HCN4: variants seen among roughly 807,000 people sequenced by gnomAD.
The protein encoded by HCN4 is potassium/sodium hyperpolarization-activated cyclic nucleotide-gated channel 4.
In HCN4, 29 loss-of-function variants were observed where a neutral mutation model predicts 76.9. That is an observed-to-expected ratio of 0.38 (90% CI 0.28 to 0.51). The LOEUF is 0.51. Ranked by LOEUF, HCN4 falls within the 20% of genes least tolerant of loss-of-function variation. HCN4 has a pLI of 0.90. For missense variants in HCN4, 1,416 were observed against 1,715.2 expected, an observed-to-expected ratio of 0.83 and a Z score of 3.08; for synonymous variants, 772 against 762.5, an observed-to-expected ratio of 1.01 and a Z score of -0.21.
rs373986638 is a variant in HCN4 at position 73,332,503 on chromosome 15, G to A, written c.1210-211C>T. Among the ~76,000 whole-genome samples, 69 of 152,290 alleles carry A rather than the reference G, an allele frequency of 4.5e-4. 1 individual carries two copies. The East Asian group carries it at 8.9e-3, about 20-fold the overall frequency. ...ACTGTAGGCTGCAGGGTCCCAGAGG[G>A]ACATCTCCTGGCATCTATACAGATG... On this transcript the variant is annotated intron_variant, in intron 2 of 7. Coordinates refer to ENST00000261917, the MANE Select transcript of HCN4 (RefSeq NM_005477.3).
intron 2 of HCN4, among the ~76,000 whole-genome samples, chr15:73,334,205 C>G (rs1220788701): frequency 2.6e-5 from 4 of 152,186 alleles, no homozygotes; most frequent in Non-Finnish European, 4.4e-5. Context: ...AGCGTTTGAG[C>G]TCCTGGCTAA....
At chr15:73,344,053 A>G (rs906229370) in intron 1 of HCN4, among the ~76,000 whole-genome samples, 1 of 152,176 alleles carries the variant, frequency 6.6e-6, no homozygotes, top group Non-Finnish European at 1.5e-5. Flanking sequence ...CCGAGCCCCA[A>G]CAACAAGCTT....
intron 1 of HCN4, among the ~76,000 whole-genome samples, chr15:73,355,133 T>C (rs2043072213): frequency 6.6e-6 from 1 of 152,208 alleles, no homozygotes; most frequent in Admixed American, 6.5e-5. Flanking sequence ...GGCGCCCAAG[T>C]AGGTCCGCTG....
In HCN4 at chr15:73,368,425, C is replaced by T. The variant is rs969600832; in HGVS notation, c.-155G>A. The T allele has an allele frequency of 2.2e-6, 1 of 449,454 alleles. No homozygotes were observed. Among genetic ancestry groups the T allele is most frequent in the Non-Finnish European group, 3.7e-6 (1 of 270,772 alleles). The allele number at this position is 449,454 out of a possible 1,614,324, so 27.8% of individuals were successfully genotyped here. A position where few individuals can be genotyped will look rare whatever the true frequency, so the allele number is the denominator to read the frequency against. ...GGCGCCCATGCTTGGGCAGGCTGCGCGCCGCGGGGAGGATCCTAGTCCCGC... is the reference window on the plus strand; with the variant it reads ...GGCGCCCATGCTTGGGCAGGCTGCGTGCCGCGGGGAGGATCCTAGTCCCGC... On this transcript the variant is annotated 5_prime_UTR_variant, in exon 1 of 8. Transcript: ENST00000261917. This position sits in a 1 kb window ranked among gnomAD's most constrained non-coding sequence, Gnocchi z 6.9.
chr15:73,335,503 G>A (rs1264126824), intron 2 of HCN4: 2 of 152,318 alleles, frequency 1.3e-5, no homozygotes, highest in Admixed American at 1.3e-4. Flanking sequence ...ATGCCCTGGA[G>A]GGCCAGACTT....
At chr15:73,355,004 ACT>A (rs1186638642) in intron 1 of HCN4, among the ~76,000 whole-genome samples, 1 of 152,194 alleles carries the variant, frequency 6.6e-6, no homozygotes, top group African/African-American at 2.4e-5. Flanking sequence ...AGAATCTCTG[ACT>A]CTGTATCCCT....
chr15:73,323,838 A>C lies in HCN4; in HGVS notation c.2255T>G (p.Met752Arg), dbSNP rs768773295. The C allele has an allele frequency of 6.2e-7, 1 of 1,605,622 alleles. No homozygotes were observed. Among genetic ancestry groups the C allele is most frequent in the Non-Finnish European group, 8.5e-7 (1 of 1,179,922 alleles). Residue 752 changes from methionine (M) to arginine (R), a missense_variant, in exon 8 of 8, where the codon ATG becomes AGG. By Grantham distance (91) the Met-to-Arg change is moderately conservative. Transcript: ENST00000261917. Reference sequence around the variant, plus strand: ...CTGGACGCGGTGCGCGCAGTGGGCCATCTCCCGGTCATGCTGCACAATCTG... The same window carrying C: ...CTGGACGCGGTGCGCGCAGTGGGCCCTCTCCCGGTCATGCTGCACAATCTG... Reference protein sequence around the residue: ...IQQIVQHDREMAHCAHRVQAA... With the variant: ...IQQIVQHDRERAHCAHRVQAA...
chr15:73,326,062 T>C (rs1413310971), intron 4 of HCN4, among the ~76,000 whole-genome samples: 1 of 151,848 alleles, frequency 6.6e-6, no homozygotes, highest in African/African-American at 2.4e-5. Context: ...TACAAAAGAT[T>C]TGTGAGCCTC....
At chr15:73,345,001 C>A (rs2043023664) in intron 1 of HCN4, among the ~76,000 whole-genome samples, 1 of 152,202 alleles carries the variant, frequency 6.6e-6, no homozygotes, top group African/African-American at 2.4e-5. Context: ...CAGAAATAAG[C>A]ATGTCTTCTC....
Position 73,322,906 on chromosome 15 carries a change from G to A in HCN4, c.3187C>T (p.Pro1063Ser). The change falls in exon 8 of 8, where the codon CCC (proline) becomes TCC (serine). Residue 1063 changes from proline to serine, a missense_variant. By Grantham distance (74) the Pro-to-Ser change is moderately conservative. This residue lies in a region of HCN4 where 633 missense variants were observed against 579.8 expected (regional missense o/e 1.09). Coordinates refer to ENST00000261917, the MANE Select transcript of HCN4 (RefSeq NM_005477.3). ...GTGCCCCGGCGCTGGGGGACCTGGG[G>A]TGGTGGGGGGCTGGATGCAGGTGGC... Reference protein sequence around the residue: ...LLPPASSPPPPQVPQRRGTPP... With the variant: ...LLPPASSPPPSQVPQRRGTPP... 7.1e-7 allele frequency: 1 copy of A among 1,409,870 alleles called. No individual in the cohort carries two copies. Among genetic ancestry groups the A allele is most frequent in the Non-Finnish European group, 9.4e-7 (1 of 1,066,828 alleles). The allele number at this position is 1,409,870 out of a possible 1,614,324, so 87.3% of individuals were successfully genotyped here. A position where few individuals can be genotyped will look rare whatever the true frequency, so the allele number is the denominator to read the frequency against.
At position 73,367,933 on chromosome 15, in the gene HCN4, GTGCCGCCGC is replaced by G. The variant is rs1441261132; in HGVS notation, c.329_337del (p.Ser110_Gly112del). The G allele has an allele frequency of 2.2e-6, 3 of 1,365,450 alleles. No individual in the cohort carries two copies. Among genetic ancestry groups the G allele is most frequent in the Non-Finnish European group, 2.8e-6 (3 of 1,063,054 alleles). 84.6% of individuals were successfully genotyped at this position (1,365,450 alleles called of 1,614,324 possible). A position where few individuals can be genotyped will look rare whatever the true frequency, so the allele number is the denominator to read the frequency against. ...GTGTCCGTGACTGCTGCCGCTCCCCGTGCCGCCGCTGCCGCCGCCCCGGCTGCCCAGCGA... is the reference window on the plus strand; with the variant it reads ...GTGTCCGTGACTGCTGCCGCTCCCCGTGCCGCCGCCCCGGCTGCCCAGCGA... On this transcript the variant is annotated inframe_deletion, in exon 1 of 8. Coordinates refer to ENST00000261917, the MANE Select transcript of HCN4 (RefSeq NM_005477.3). This position sits in a 1 kb window ranked among gnomAD's most constrained non-coding sequence, Gnocchi z 7.5.
chr15:73,332,770 T>C (rs2042940579), intron 2 of HCN4, among the ~76,000 whole-genome samples: 1 of 152,174 alleles, frequency 6.6e-6, no homozygotes. Context: ...GCCACGGAAC[T>C]GCAGAGGAAG....
At chr15:73,336,529 G>A (rs749864658) in intron 2 of HCN4, among the ~76,000 whole-genome samples, 9 of 152,104 alleles carry the variant, frequency 5.9e-5, no homozygotes, top group East Asian at 1.9e-4. Flanking sequence ...CAGCTGTCTC[G>A]GTCTATCTCT....
chr15:73,322,093 C>T lies in HCN4; in HGVS notation c.*388G>A. The stretch of plus-strand genomic sequence containing the variant: ...GGCAGAGTGGAGCTCCAAGTTACAG[C>T]TAACGGGCTGATGGCAGCTGTTTCT... On this transcript the variant is annotated 3_prime_UTR_variant, in exon 8 of 8. Coordinates refer to ENST00000261917, the MANE Select transcript of HCN4 (RefSeq NM_005477.3). 3.6e-6 allele frequency: 1 copy of T among 275,782 alleles called. No individual in the cohort carries two copies. The highest frequency in any genetic ancestry group is 7.0e-6 in the Non-Finnish European group (1 of 143,396). The allele number at this position is 275,782 out of a possible 1,614,324, so 17.1% of individuals were successfully genotyped here.
rs1364112833 is a variant in HCN4, at chr15:73,343,957, A to T, written c.786-149T>A. On this transcript the variant is annotated intron_variant, in intron 1 of 7. Coordinates refer to ENST00000261917, the MANE Select transcript of HCN4 (RefSeq NM_005477.3). This position sits in a 1 kb window ranked among gnomAD's most constrained non-coding sequence, Gnocchi z 5.7. ...ACAGGCACATGGGTACCAGGGCAAG[A>T]TGTGGAGATTGGCACAGGGAATGAC... The T allele has an allele frequency of 2.6e-6, 2 of 767,068 alleles. No homozygotes were observed. The highest frequency in any genetic ancestry group is 4.5e-6 in the Non-Finnish European group (2 of 444,622). 47.5% of individuals were successfully genotyped at this position (767,068 alleles called of 1,614,324 possible). A position where few individuals can be genotyped will look rare whatever the true frequency, so the allele number is the denominator to read the frequency against.
chr15:73,352,207 T>TGGATGGG (rs1274805077), intron 1 of HCN4, among the ~76,000 whole-genome samples: 2 of 151,726 alleles, frequency 1.3e-5, no homozygotes, highest in Non-Finnish European at 2.9e-5. Context: ...TACGAATGAG[T>TGGATGGG]GGATGGGGGA....
Position 73,368,250 on chromosome 15 carries a change from G to A in HCN4, c.21C>T (p.Ser7=). Residue 7 remains serine (S), a synonymous_variant, in exon 1 of 8, where the codon TCC becomes TCT. Coordinates refer to ENST00000261917, the MANE Select transcript of HCN4 (RefSeq NM_005477.3). This position sits in a 1 kb window ranked among gnomAD's most constrained non-coding sequence, Gnocchi z 6.9. The part of the protein sequence containing the change: MDKLPP[S]MRKRLYSLPQ... ...GGAGGCTGTAGAGCCGCTTGCGCAT[G>A]GACGGCGGCAGCTTGTCCATGGCGC... is the stretch of plus-strand genomic sequence containing the variant. 1 of 1,500,814 alleles carries A rather than the reference G, an allele frequency of 6.7e-7. No homozygotes were observed. Among genetic ancestry groups the A allele is most frequent in the Non-Finnish European group, 8.9e-7 (1 of 1,127,996 alleles). The allele number at this position is 1,500,814 out of a possible 1,614,324, so 93.0% of individuals were successfully genotyped here. A position where few individuals can be genotyped will look rare whatever the true frequency, so the allele number is the denominator to read the frequency against.
At chr15:73,347,722 G>A (rs192422016) in intron 1 of HCN4, among the ~76,000 whole-genome samples, 59 of 152,194 alleles carry the variant, frequency 3.9e-4, no homozygotes, top group Non-Finnish European at 6.5e-4. Context: ...TGAATCCAGG[G>A]TGGTGGGTGT....
In HCN4 at chr15:73,328,248, A is replaced by G. The variant is rs1595822368; in HGVS notation, c.1590+1325T>C. On this transcript the variant is annotated intron_variant, in intron 4 of 7. Transcript: ENST00000261917. This position sits in a 1 kb window ranked among gnomAD's most constrained non-coding sequence, Gnocchi z 4.0. ...GGTGTCAGGTGGACACCTGGGGAGGAGAGTTGAGGGTGAAAGCCCGTGTCT... is the reference window on the plus strand; with the variant it reads ...GGTGTCAGGTGGACACCTGGGGAGGGGAGTTGAGGGTGAAAGCCCGTGTCT... 6.6e-6 allele frequency among the ~76,000 whole-genome samples: 1 copy of G among 151,132 alleles called. No homozygotes were observed. Among genetic ancestry groups the G allele is most frequent in the Non-Finnish European group, 1.5e-5 (1 of 67,824 alleles).
Sources: allele counts gnomAD v4.1 joint callset (sites outside exome capture counted in the v4.1 genomes callset), GRCh38; gene constraint gnomAD v4.1.1; regional missense constraint gnomAD v4.1.1; non-coding constraint Gnocchi (gnomAD v3.1); transcripts MANE v1.5; gene names NCBI Gene and HGNC (gene_info 2026-07-23, HGNC 2026-07-21).